The following DTWD2 variants were observed in gnomAD, a reference collection of about 807,000 sequenced individuals.
DTWD2 encodes DTW motif tRNA-uridine aminocarboxypropyltransferase 2, also known as tRNA-uridine aminocarboxypropyltransferase 2.
Under a neutral mutation model 31.8 loss-of-function variants are expected in DTWD2, and 39 were observed. That is an observed-to-expected ratio of 1.22 (90% confidence interval 0.95 to 1.60). The LOEUF is 1.60. Among genes scored for constraint, DTWD2 ranks in the 40% most tolerant of loss-of-function variants. DTWD2 has a pLI of 0.00. For synonymous variants in DTWD2, 180 were observed against 142.8 expected (o/e 1.26, Z -1.86); for missense variants, 515 against 381.5 (o/e 1.35, Z -2.92).
intron 4 of DTWD2, among the ~76,000 whole-genome samples, chr5:118,908,656 C>CAA (rs771874998): frequency 3.1e-4 from 42 of 133,372 alleles, no homozygotes; most frequent in African/African-American, 1.2e-3. Flanking sequence ...CCACCACCAC[C>CAA]AAAAAAAAAA....
At chr5:118,878,799 C>A (rs1752674925) in intron 4 of DTWD2, among the ~76,000 whole-genome samples, 2 of 151,228 alleles carry the variant, frequency 1.3e-5, no homozygotes, top group African/African-American at 4.9e-5. Flanking sequence ...AACAAATTCA[C>A]AAGAAAAAAA....
At chr5:118,910,493 G>C (rs1593969) in intron 4 of DTWD2, among the ~76,000 whole-genome samples, 1 of 152,032 alleles carries the variant, frequency 6.6e-6, no homozygotes, top group Non-Finnish European at 1.5e-5. Context: ...TGACTACTTA[G>C]GCCATCTCTA....
At chr5:118,906,855 T>TA (rs747758782) in intron 4 of DTWD2, among the ~76,000 whole-genome samples, 17 of 152,150 alleles carry the variant, frequency 1.1e-4, no homozygotes, top group Non-Finnish European at 1.6e-4. Flanking sequence ...ATGTGGGTTA[T>TA]AAAAAATGGA....
At chr5:118,927,275 G>A (rs1014262093) in intron 4 of DTWD2, among the ~76,000 whole-genome samples, 3 of 151,366 alleles carry the variant, frequency 2.0e-5, no homozygotes, top group African/African-American at 7.3e-5. Flanking sequence ...GAGGGACAGG[G>A]AACACAATTC....
chr5:118,916,015 G>T (rs889833198), intron 4 of DTWD2, among the ~76,000 whole-genome samples: 2 of 152,186 alleles, frequency 1.3e-5, no homozygotes, highest in African/African-American at 4.8e-5. Flanking sequence ...CCCAATAAGG[G>T]ATTGGGGTTG....
chr5:118,929,431 A>C (rs903701381), intron 3 of DTWD2, among the ~76,000 whole-genome samples: 1 of 151,218 alleles, frequency 6.6e-6, no homozygotes, highest in Non-Finnish European at 1.5e-5. Flanking sequence ...GCACACCCCA[A>C]CCTGTAACCA....
chr5:118,965,263 G>A (rs1346242839), intron 1 of DTWD2, among the ~76,000 whole-genome samples: 2 of 151,458 alleles, frequency 1.3e-5, no homozygotes, highest in African/African-American at 4.9e-5. Flanking sequence ...CGTCCGGGAG[G>A]TGGGGGGCAG....
At chr5:118,862,168 T>C (rs1280980700) in intron 4 of DTWD2, among the ~76,000 whole-genome samples, 1 of 152,236 alleles carries the variant, frequency 6.6e-6, no homozygotes, top group East Asian at 1.9e-4. Flanking sequence ...TATGAGGATC[T>C]AACTAATGCC....
intron 1 of DTWD2, among the ~76,000 whole-genome samples, chr5:118,986,428 A>C (rs944780864): frequency 6.6e-6 from 1 of 152,166 alleles, no homozygotes; most frequent in African/African-American, 2.4e-5. Context: ...AGTTAAACTG[A>C]GTTTGCACTT....
intron 4 of DTWD2, among the ~76,000 whole-genome samples, chr5:118,850,309 C>CAAA (rs74980941): frequency 4.4e-4 from 28 of 63,086 alleles, no homozygotes; most frequent in Non-Finnish European, 6.8e-4. Flanking sequence ...ACCAAAAATA[C>CAAA]AAAAAAAAAA....
At chr5:118,866,290 T>C (rs1752379507) in intron 4 of DTWD2, among the ~76,000 whole-genome samples, 1 of 152,206 alleles carries the variant, frequency 6.6e-6, no homozygotes, top group Admixed American at 6.5e-5. Context: ...AAAAATTTTA[T>C]GATTCTTTAA....
chr5:118,869,867 G>C (rs74844472), intron 4 of DTWD2, among the ~76,000 whole-genome samples: 2,763 of 152,218 alleles, frequency 0.018, 85 homozygotes, highest in African/African-American at 0.063. Flanking sequence ...TTGGAGGTGG[G>C]GGCCTTGTAA....
intron 1 of DTWD2, among the ~76,000 whole-genome samples, chr5:118,982,754 T>A: frequency 6.9e-6 from 1 of 144,100 alleles, no homozygotes; most frequent in East Asian, 2.1e-4. Flanking sequence ...AGTGGAGCAA[T>A]CTTGGCTCAC....
chr5:118,939,828 G>C (rs1754141213), intron 2 of DTWD2, among the ~76,000 whole-genome samples: 1 of 152,086 alleles, frequency 6.6e-6, no homozygotes, highest in Non-Finnish European at 1.5e-5. Flanking sequence ...GCTCCCAATG[G>C]CTAAAATTGA....
chr5:118,888,573 A>C (rs1029186902), intron 4 of DTWD2, among the ~76,000 whole-genome samples: 8 of 152,372 alleles, frequency 5.3e-5, no homozygotes, highest in Middle Eastern at 3.4e-3. Context: ...ATTTACATGC[A>C]AGTCTTTGTA....
chr5:118,963,401 G>A (rs1218265929), intron 1 of DTWD2, among the ~76,000 whole-genome samples: 1 of 152,190 alleles, frequency 6.6e-6, no homozygotes, highest in Non-Finnish European at 1.5e-5. Flanking sequence ...AAAAGCACCT[G>A]TTTTGGGGGA....
Position 118,846,920 on chromosome 5 carries a change from G to GCACACACACACA in DTWD2, c.726+1158_726+1169dup, listed in dbSNP as rs144531960. Among the ~76,000 whole-genome samples, 65 of 134,986 alleles carry GCACACACACACA rather than the reference G, an allele frequency of 4.8e-4. 1 individual carries two copies. The highest frequency in any genetic ancestry group is 7.4e-4 in the East Asian group (3 of 4,064). The allele number at this position is 134,986 out of a possible 152,430, so 88.6% of individuals were successfully genotyped here. A position where few individuals can be genotyped will look rare whatever the true frequency, so the allele number is the denominator to read the frequency against. On this transcript the variant is annotated intron_variant, in intron 5 of 5. Coordinates refer to ENST00000510708, the MANE Select transcript of DTWD2 (RefSeq NM_173666.4). ...AAACAAAGTCTACTCAAACACACAG[G>GCACACACACACA]CACACACACACACACACACACACAC...
intron 1 of DTWD2, chr5:118,974,654 T>C (rs543325840): frequency 2.0e-6 from 1 of 507,408 alleles, no homozygotes; most frequent in East Asian, 5.5e-5. Context: ...AGTTGGTTTG[T>C]ATGAGATGGT....
chr5:118,939,057 G>T, intron 3 of DTWD2, 139 bp downstream of exon 3: 1 of 565,658 alleles, frequency 1.8e-6, no homozygotes. Context: ...GTGTGGTCAG[G>T]GGTTAGCAGA....
Sources: gnomAD v4.1 joint callset for allele counts (sites outside exome capture counted in the v4.1 genomes callset) on GRCh38, gnomAD v4.1.1 for gene constraint, MANE v1.5 for transcripts, NCBI Gene and HGNC (gene_info 2026-07-23, HGNC 2026-07-21) for gene names.